EPHA3: variants seen among roughly 807,000 people sequenced by gnomAD.
The protein encoded by EPHA3 is ephrin type-A receptor 3.
A neutral mutation model predicts 107.1 loss-of-function variants in EPHA3; 42 were observed. The observed-to-expected ratio is 0.39, with a 90% CI of 0.31 to 0.51. The LOEUF (loss-of-function observed/expected upper bound fraction) is 0.51. Among genes scored for constraint, EPHA3 ranks in the 20% least tolerant of loss-of-function variants. EPHA3 has a pLI of 0.78. For synonymous variants in EPHA3, 461 were observed against 424.8 expected (o/e 1.09, Z -1.05); for missense variants, 1,183 against 1,211.2 (o/e 0.98, Z 0.35).
rs1704096728 is a variant in EPHA3, at chr3:89,211,733, TC to T, written c.814+1214del. ...CTCTTCCTCTTCTTCTTTTTCTTCT[TC>T]TTCTTCTCCTTCTTCTTCTTCTTCT... On this transcript the variant is annotated intron_variant, in intron 3 of 16. Coordinates refer to ENST00000336596, the MANE Select transcript of EPHA3 (RefSeq NM_005233.6). 7.6e-3 allele frequency among the ~76,000 whole-genome samples: 91 copies of T among 11,974 alleles called. 2 individuals carry two copies. The highest frequency in any genetic ancestry group is 0.017 in the African/African-American group (82 of 4,884). 7.9% of individuals were successfully genotyped at this position (11,974 alleles called of 152,430 possible). A position where few individuals can be genotyped will look rare whatever the true frequency, so the allele number is the denominator to read the frequency against.
chr3:89,190,794 C>G (rs1428674147), intron 2 of EPHA3, among the ~76,000 whole-genome samples: 3 of 152,140 alleles, frequency 2.0e-5, no homozygotes, highest in Non-Finnish European at 4.4e-5. Context: ...AAATGGCTGT[C>G]TTCTCGTGTC....
At chr3:89,400,040 G>T in intron 7 of EPHA3, 1 of 1,033,364 alleles carries the variant, frequency 9.7e-7, no homozygotes, top group African/African-American at 1.7e-5. Context: ...CATTTTTCCA[G>T]TAACTTTTCT....
intron 3 of EPHA3, among the ~76,000 whole-genome samples, chr3:89,262,286 A>C (rs542366855): frequency 2.0e-5 from 3 of 152,294 alleles, no homozygotes; most frequent in African/African-American, 4.8e-5. Context: ...GATGACTTAA[A>C]ACAACAGAAT....
intron 2 of EPHA3, among the ~76,000 whole-genome samples, chr3:89,162,339 T>C (rs1472511013): frequency 6.6e-6 from 1 of 152,174 alleles, no homozygotes; most frequent in Admixed American, 6.5e-5. Context: ...AAGTACCTTA[T>C]TAATTAATAA....
At chr3:89,155,767 A>T (rs568913673) in intron 2 of EPHA3, among the ~76,000 whole-genome samples, 116 of 152,184 alleles carry the variant, frequency 7.6e-4, no homozygotes, top group African/African-American at 2.7e-3. Flanking sequence ...TTCCCTTGAG[A>T]GAGTGAAAAT....
intron 15 of EPHA3, among the ~76,000 whole-genome samples, chr3:89,460,386 A>G (rs1181165961): frequency 6.6e-6 from 1 of 152,232 alleles, no homozygotes; most frequent in Non-Finnish European, 1.5e-5. Context: ...ATATTTAATA[A>G]TATTTAGAAC....
chr3:89,412,536 A>G, intron 9 of EPHA3, among the ~76,000 whole-genome samples: 1 of 151,702 alleles, frequency 6.6e-6, no homozygotes, highest in Non-Finnish European at 1.5e-5. Flanking sequence ...CACCAATATA[A>G]TATATAATAC....
chr3:89,168,685 C>A (rs926333510), intron 2 of EPHA3, among the ~76,000 whole-genome samples: 1 of 151,828 alleles, frequency 6.6e-6, no homozygotes, highest in Non-Finnish European at 1.5e-5. Flanking sequence ...AATAGAGAAG[C>A]TTTAAATTTT....
chr3:89,288,804 G>A (rs1463749337), intron 3 of EPHA3, among the ~76,000 whole-genome samples: 2 of 152,066 alleles, frequency 1.3e-5, no homozygotes, highest in Non-Finnish European at 2.9e-5. Flanking sequence ...AAATGGTCAG[G>A]TAATTAAAGT....
At chr3:89,206,547 T>C (rs1278498901) in intron 2 of EPHA3, among the ~76,000 whole-genome samples, 1 of 152,188 alleles carries the variant, frequency 6.6e-6, no homozygotes, top group Non-Finnish European at 1.5e-5. Context: ...TTGCTACATC[T>C]GTACTTTAAA....
At chr3:89,449,440 A>G (rs1709944146) in intron 14 of EPHA3, 66 bp downstream of exon 14, 1 of 1,377,984 alleles carries the variant, frequency 7.3e-7, no homozygotes, top group Non-Finnish European at 9.6e-7. Flanking sequence ...AGGAAGTGGA[A>G]CATAATGTAA....
chr3:89,289,899 G>A (rs1706172874), intron 3 of EPHA3, among the ~76,000 whole-genome samples: 1 of 152,132 alleles, frequency 6.6e-6, no homozygotes. Flanking sequence ...AGGCCTTTCT[G>A]TTGAGTGAAG....
chr3:89,236,303 T>A (rs1704759265), intron 3 of EPHA3, among the ~76,000 whole-genome samples: 1 of 151,878 alleles, frequency 6.6e-6, no homozygotes, highest in Non-Finnish European at 1.5e-5. Context: ...CTATATAAGA[T>A]CTCAAAATAA....
At chr3:89,289,408 C>T (rs1295716896) in intron 3 of EPHA3, among the ~76,000 whole-genome samples, 1 of 151,868 alleles carries the variant, frequency 6.6e-6, no homozygotes, top group Non-Finnish European at 1.5e-5. Context: ...GAATTAACTC[C>T]TGGGGGTGTT....
chr3:89,303,709 G>A (rs1457510098), intron 3 of EPHA3, among the ~76,000 whole-genome samples: 1 of 152,052 alleles, frequency 6.6e-6, no homozygotes, highest in Non-Finnish European at 1.5e-5. Context: ...GCTTTGATTA[G>A]TCTCTACAAC....
chr3:89,332,664 T>C (rs1707313370), intron 3 of EPHA3, among the ~76,000 whole-genome samples: 1 of 152,172 alleles, frequency 6.6e-6, no homozygotes, highest in African/African-American at 2.4e-5. Context: ...AAACAGTTGC[T>C]GTGACCTTGT....
chr3:89,113,029 A>C (rs1707150588), intron 1 of EPHA3, among the ~76,000 whole-genome samples: 1 of 152,154 alleles, frequency 6.6e-6, no homozygotes, highest in African/African-American at 2.4e-5. Flanking sequence ...CTGTTTTCAG[A>C]GATCTGGATT....
At chr3:89,226,140 A>G (rs1406879260) in intron 3 of EPHA3, among the ~76,000 whole-genome samples, 1 of 152,154 alleles carries the variant, frequency 6.6e-6, no homozygotes, top group Non-Finnish European at 1.5e-5. Context: ...TAAATGGTAT[A>G]TAAATCAGAG....
chr3:89,230,433 A>G (rs1704601999), intron 3 of EPHA3, among the ~76,000 whole-genome samples: 1 of 152,104 alleles, frequency 6.6e-6, no homozygotes, highest in South Asian at 2.1e-4. Flanking sequence ...AAGATTTTAA[A>G]TGCTCTTCAG....
Sources: allele counts gnomAD v4.1 joint callset (sites outside exome capture counted in the v4.1 genomes callset), GRCh38; gene constraint gnomAD v4.1.1; transcripts MANE v1.5; gene names NCBI Gene and HGNC (gene_info 2026-07-23, HGNC 2026-07-21).